NDUFAF6: variants seen among roughly 807,000 people sequenced by gnomAD.
NDUFAF6 encodes NADH dehydrogenase (ubiquinone) complex I, assembly factor 6.
NDUFAF6 carries 45 observed loss-of-function variants against 40.8 expected under a neutral mutation model. The ratio of observed to expected loss-of-function variants is 1.10; its 90% CI spans 0.87 to 1.42. NDUFAF6 has a LOEUF of 1.42. NDUFAF6 is among the 40% of genes most tolerant of loss of function. The pLI, the probability that NDUFAF6 is intolerant of heterozygous loss-of-function variation, is 0.00. For synonymous variants in NDUFAF6, 185 were observed against 155.9 expected, an observed-to-expected ratio of 1.19 and a Z score of -1.39; for missense variants, 435 against 418.5, an observed-to-expected ratio of 1.04 and a Z score of -0.34.
chr8:95,108,610 G>A (rs1330537854), intron 4 of NDUFAF6, among the ~76,000 whole-genome samples: 1 of 152,142 alleles, frequency 6.6e-6, no homozygotes, highest in African/African-American at 2.4e-5. Flanking sequence ...TTGGGATGAT[G>A]AAAAAGTTCT....
At position 95,074,866 on chromosome 8, in the gene NDUFAF6, G is replaced by A. The variant is rs117315318; in HGVS notation, c.*512-767G>A. 9.2e-3 allele frequency among the ~76,000 whole-genome samples: 1,407 copies of A among 152,206 alleles called. 13 individuals are homozygous for A. The highest frequency in any genetic ancestry group is 0.015 in the Non-Finnish European group (1,018 of 68,024). On this transcript the variant is annotated intron_variant and NMD_transcript_variant, in intron 9 of 9. Coordinates refer to the NDUFAF6 transcript ENST00000520757. ...GCCACTGCCCATTGGAGAGCCCTTA[G>A]ATCAAGGGCCTCATGTTATGATTAG...
At chr8:94,919,303 T>C (rs1819342274) in intron 1 of NDUFAF6, among the ~76,000 whole-genome samples, 1 of 152,160 alleles carries the variant, frequency 6.6e-6, no homozygotes. Flanking sequence ...CACCTCAGCC[T>C]CCCGAGTAGC....
chr8:95,019,731 T>C (rs1332176323), intron 2 of NDUFAF6, among the ~76,000 whole-genome samples: 3 of 152,218 alleles, frequency 2.0e-5, no homozygotes, highest in Non-Finnish European at 4.4e-5. Flanking sequence ...GGTGTCCTTT[T>C]AGCAAATGAA....
upstream of NDUFAF6, among the ~76,000 whole-genome samples, chr8:95,020,307 T>C (rs1586980600): frequency 6.6e-6 from 1 of 152,358 alleles, no homozygotes; most frequent in African/African-American, 2.4e-5. Context: ...ATCAGATAAC[T>C]GTAAGGCTTG....
chr8:94,988,355 C>T (rs1410643954), intron 2 of NDUFAF6: 3 of 152,218 alleles, frequency 2.0e-5, no homozygotes, highest in African/African-American at 7.2e-5. Flanking sequence ...CTTTCTCTCT[C>T]AGCTCCCACA....
chr8:95,098,270 C>T (rs180790500), upstream of NDUFAF6, among the ~76,000 whole-genome samples: 3 of 152,312 alleles, frequency 2.0e-5, no homozygotes, highest in East Asian at 1.9e-4. Flanking sequence ...TGGTGGCTCA[C>T]GCCTGTAATC....
At chr8:94,966,621 C>G (rs1425362142) in intron 1 of NDUFAF6, among the ~76,000 whole-genome samples, 3 of 152,054 alleles carry the variant, frequency 2.0e-5, no homozygotes, top group African/African-American at 7.2e-5. Context: ...AACACAAAGG[C>G]AATGAATAAG....
chr8:94,940,311 C>T (rs955532686), intron 1 of NDUFAF6: 2 of 1,425,438 alleles, frequency 1.4e-6, no homozygotes, highest in Admixed American at 4.6e-5. Context: ...TATAAAGTCA[C>T]CCATCAAATT....
At chr8:94,952,179 TCA>T (rs772153913) in intron 2 of NDUFAF6, among the ~76,000 whole-genome samples, 3 of 152,216 alleles carry the variant, frequency 2.0e-5, no homozygotes. Flanking sequence ...TTTGGAAGAC[TCA>T]CAGTGCAGGA....
downstream of NDUFAF6, among the ~76,000 whole-genome samples, chr8:95,103,721 G>A (rs1389412530): frequency 6.6e-6 from 1 of 152,180 alleles, no homozygotes; most frequent in Admixed American, 6.5e-5. Context: ...AAGGATAGGA[G>A]TGAGCCAGTC....
chr8:95,062,699 T>G (rs1832601126), downstream of NDUFAF6, among the ~76,000 whole-genome samples: 1 of 152,242 alleles, frequency 6.6e-6, no homozygotes, highest in African/African-American at 2.4e-5. Flanking sequence ...CAGCCATGCT[T>G]TCTCCCAAAA....
intron 2 of NDUFAF6, among the ~76,000 whole-genome samples, chr8:94,952,065 G>A (rs1304024734): frequency 6.6e-6 from 1 of 152,206 alleles, no homozygotes; most frequent in Non-Finnish European, 1.5e-5. Context: ...CCTGCTGTGG[G>A]GGTGACCCTT....
intron 2 of NDUFAF6, among the ~76,000 whole-genome samples, chr8:95,094,706 C>G (rs1464119065): frequency 8.6e-5 from 13 of 150,684 alleles, no homozygotes; most frequent in African/African-American, 3.2e-4. Flanking sequence ...TGGGCCTCTG[C>G]GTCTGGCCTC....
intron 4 of NDUFAF6, among the ~76,000 whole-genome samples, chr8:95,041,951 T>C (rs1175934551): frequency 6.6e-6 from 1 of 151,854 alleles, no homozygotes; most frequent in Non-Finnish European, 1.5e-5. Context: ...TTAAAGAAAA[T>C]CCCAGACATC....
intron 4 of NDUFAF6, chr8:95,115,519 C>CT (rs544475473): frequency 0.081 from 11,694 of 144,020 alleles, 547 homozygotes; most frequent in Middle Eastern, 0.14. Context: ...CATTTCCCTT[C>CT]TTTTTTTTTT....
At chr8:95,043,212 G>A (rs911546339) in intron 4 of NDUFAF6, among the ~76,000 whole-genome samples, 1 of 151,448 alleles carries the variant, frequency 6.6e-6, no homozygotes, top group Admixed American at 6.6e-5. Flanking sequence ...AGCCTCCTGA[G>A]TAGCTGAGAC....
chr8:94,951,837 T>C (rs956002963), intron 2 of NDUFAF6, among the ~76,000 whole-genome samples: 5 of 152,218 alleles, frequency 3.3e-5, no homozygotes, highest in Admixed American at 6.5e-5. Context: ...CATAAATGCA[T>C]GCAGTGAAAC....
chr8:95,117,140 C>A (rs899163507), downstream of NDUFAF6, among the ~76,000 whole-genome samples: 2 of 152,124 alleles, frequency 1.3e-5, no homozygotes, highest in African/African-American at 4.8e-5. Context: ...ACTGGAGTTG[C>A]GGGGGAATTA....
At position 94,997,339 on chromosome 8, in the gene NDUFAF6, CACACAGAG is replaced by C. The variant is rs1278904460; in HGVS notation, c.-84+16368_-84+16375del. Reference sequence around the variant, plus strand: ...ACACACACACACACACACACACACACACACAGAGAGAGAGAGAGAGAGAGAGACAGAGA... The same window carrying C: ...ACACACACACACACACACACACACACAGAGAGAGAGAGAGAGAGACAGAGA... On this transcript the variant is annotated intron_variant, in intron 2 of 9. Transcript: ENST00000396111. Among the ~76,000 whole-genome samples the C allele has an allele frequency of 6.0e-4, 75 of 124,330 alleles. 1 individual carries two copies. Among genetic ancestry groups the C allele is most frequent in the Non-Finnish European group, 8.3e-4 (50 of 59,990 alleles). 81.6% of individuals were successfully genotyped at this position (124,330 alleles called of 152,430 possible).
Sources: gnomAD v4.1 joint callset for allele counts (sites outside exome capture counted in the v4.1 genomes callset) on GRCh38, gnomAD v4.1.1 for gene constraint, MANE v1.5 for transcripts, NCBI Gene and HGNC (gene_info 2026-07-23, HGNC 2026-07-21) for gene names.